SUGCT: variants seen among roughly 807,000 people sequenced by gnomAD.
The protein encoded by SUGCT is succinyl-CoA:glutarate-CoA transferase.
SUGCT carries 41 observed loss-of-function variants against 55.0 expected under a neutral mutation model. The observed-to-expected ratio is 0.74, with a 90% CI of 0.58 to 0.97. SUGCT has a LOEUF of 0.97. Among genes scored for constraint, SUGCT ranks in the 50% least tolerant of loss-of-function variants. SUGCT has a pLI of 0.00. For synonymous variants in SUGCT, 187 were observed against 200.4 expected (o/e 0.93, Z 0.56); for missense variants, 568 against 547.8 (o/e 1.04, Z -0.37).
intron 13 of SUGCT, among the ~76,000 whole-genome samples, chr7:40,796,710 C>T (rs1341011033): frequency 1.3e-5 from 2 of 152,214 alleles, no homozygotes; most frequent in Admixed American, 6.5e-5. Context: ...TGGTCTTCAT[C>T]ACTAAGCTAT....
At chr7:41,001,424 G>A in the SUGCT span, among the ~76,000 whole-genome samples, 1 of 152,152 alleles carries the variant, frequency 6.6e-6, no homozygotes, top group Non-Finnish European at 1.5e-5. Context: ...ATGAGTTGTG[G>A]GAAGAATAAG....
chr7:40,212,041 C>T (rs532138838), intron 6 of SUGCT, among the ~76,000 whole-genome samples: 2 of 152,170 alleles, frequency 1.3e-5, no homozygotes, highest in Admixed American at 6.5e-5. Context: ...ACCAAATACT[C>T]TAGATCTGGG....
intron 8 of SUGCT, among the ~76,000 whole-genome samples, chr7:40,308,675 G>A (rs1299063506): frequency 6.6e-6 from 1 of 151,966 alleles, no homozygotes; most frequent in Non-Finnish European, 1.5e-5. Context: ...AAGCTTTTTA[G>A]CATATTAAAG....
chr7:40,679,270 C>T (rs1311784760), intron 12 of SUGCT, among the ~76,000 whole-genome samples: 2 of 152,182 alleles, frequency 1.3e-5, no homozygotes, highest in Non-Finnish European at 2.9e-5. Context: ...TTGAAGATAG[C>T]TGAAAGCTAT....
the SUGCT span, among the ~76,000 whole-genome samples, chr7:40,899,319 A>G: frequency 6.6e-6 from 1 of 151,956 alleles, no homozygotes; most frequent in Non-Finnish European, 1.5e-5. Context: ...AAGGCCCTTT[A>G]TTTACCCCTC....
At chr7:40,187,913 C>G (rs1216183432) in intron 3 of SUGCT, among the ~76,000 whole-genome samples, 4 of 151,804 alleles carry the variant, frequency 2.6e-5, no homozygotes, top group Admixed American at 2.6e-4. Flanking sequence ...ACCTGTAATC[C>G]CAGCACTTTG....
chr7:40,723,162 G>A (rs1263682339), intron 12 of SUGCT, among the ~76,000 whole-genome samples: 1 of 151,994 alleles, frequency 6.6e-6, no homozygotes, highest in East Asian at 1.9e-4. Context: ...TTTATGTGAG[G>A]CTGGACCTTA....
intron 12 of SUGCT, among the ~76,000 whole-genome samples, chr7:40,737,642 G>C (rs1787234011): frequency 1.3e-5 from 2 of 152,166 alleles, no homozygotes; most frequent in Admixed American, 1.3e-4. Flanking sequence ...CATATAAATT[G>C]GTAGGGGGAT....
chr7:41,038,184 G>A, the SUGCT span, among the ~76,000 whole-genome samples: 12 of 152,268 alleles, frequency 7.9e-5, no homozygotes, highest in East Asian at 9.7e-4. Context: ...TGAGGCATCC[G>A]TCTGACCTCC....
chr7:40,650,516 G>T (rs1019469005), intron 12 of SUGCT, among the ~76,000 whole-genome samples: 1 of 152,142 alleles, frequency 6.6e-6, no homozygotes, highest in Non-Finnish European at 1.5e-5. Context: ...TGTAGGGTGT[G>T]TTTTACCTCC....
At chr7:40,148,168 G>C (rs537231987) in intron 1 of SUGCT, among the ~76,000 whole-genome samples, 31 of 152,200 alleles carry the variant, frequency 2.0e-4, no homozygotes, top group Admixed American at 1.7e-3. Context: ...TCAGGTAATC[G>C]GGATGAGTCA....
At chr7:40,786,331 C>G (rs1480267458) in intron 13 of SUGCT, among the ~76,000 whole-genome samples, 1 of 152,130 alleles carries the variant, frequency 6.6e-6, no homozygotes, top group East Asian at 1.9e-4. Context: ...TGATTATTTT[C>G]TATAAGATAT....
At chr7:40,508,658 T>A (rs1792746743) in intron 12 of SUGCT, among the ~76,000 whole-genome samples, 1 of 152,146 alleles carries the variant, frequency 6.6e-6, no homozygotes, top group Admixed American at 6.6e-5. Context: ...CTTGAATGAA[T>A]GTTTTTTCAT....
intron 8 of SUGCT, among the ~76,000 whole-genome samples, chr7:40,282,424 C>T (rs770620384): frequency 4.6e-5 from 7 of 151,950 alleles, no homozygotes; most frequent in South Asian, 2.1e-4. Flanking sequence ...GCTGAGGTTG[C>T]GCCAGTGCAC....
At chr7:40,772,348 A>G (rs1171869712) in intron 13 of SUGCT, among the ~76,000 whole-genome samples, 1 of 152,080 alleles carries the variant, frequency 6.6e-6, no homozygotes, top group African/African-American at 2.4e-5. Context: ...GGAGGAGAAC[A>G]TGCTTCTGGT....
chr7:41,030,094 C>A, the SUGCT span, among the ~76,000 whole-genome samples: 3 of 151,724 alleles, frequency 2.0e-5, no homozygotes, highest in East Asian at 5.8e-4. Flanking sequence ...TGATAACTCA[C>A]TTGTTTTATT....
chr7:40,135,693 C>G (rs1369109827), intron 1 of SUGCT, among the ~76,000 whole-genome samples: 2 of 151,854 alleles, frequency 1.3e-5, no homozygotes, highest in Admixed American at 6.6e-5. Context: ...GTCTCGCTGT[C>G]TCGCCCAGGC....
intron 12 of SUGCT, among the ~76,000 whole-genome samples, chr7:40,615,712 G>A (rs529440457): frequency 2.6e-5 from 4 of 152,274 alleles, no homozygotes; most frequent in Non-Finnish European, 4.4e-5. Flanking sequence ...ATTGTTTAGC[G>A]AAAACACAAG....
intron 1 of SUGCT, among the ~76,000 whole-genome samples, chr7:40,150,343 T>TCCCC (rs1330985646): frequency 6.6e-6 from 1 of 152,080 alleles, no homozygotes; most frequent in African/African-American, 2.4e-5. Flanking sequence ...GCTCACTGGC[T>TCCCC]CCCCCAGTCC....
Sources: gnomAD v4.1 joint callset for allele counts (sites outside exome capture counted in the v4.1 genomes callset) on GRCh38, gnomAD v4.1.1 for gene constraint, MANE v1.5 for transcripts, NCBI Gene and HGNC (gene_info 2026-07-23, HGNC 2026-07-21) for gene names.